The following L3MBTL3 variants were observed in gnomAD, a reference collection of about 807,000 sequenced individuals.
The protein encoded by L3MBTL3 is lethal(3)malignant brain tumor-like protein 3.
A neutral mutation model predicts 102.3 loss-of-function variants in L3MBTL3; 27 were observed. The observed-to-expected ratio is 0.26, with a 90% CI of 0.19 to 0.36. The LOEUF (loss-of-function observed/expected upper bound fraction) is 0.36. L3MBTL3 is among the 10% of genes least tolerant of loss of function. L3MBTL3 has a pLI of 1.00. For missense variants in L3MBTL3, 798 were observed against 955.3 expected, an observed-to-expected ratio of 0.84 and a Z score of 2.17; for synonymous variants, 340 against 320.9, an observed-to-expected ratio of 1.06 and a Z score of -0.64.
intron 18 of L3MBTL3, among the ~76,000 whole-genome samples, chr6:130,095,730 A>G (rs373796768): frequency 1.3e-5 from 2 of 152,340 alleles, no homozygotes; most frequent in South Asian, 4.1e-4. Flanking sequence ...AGGGGCCAGC[A>G]TATGGCGAGG....
In L3MBTL3 at chr6:130,070,988, T is replaced by C; in HGVS notation, c.1105T>C (p.Ser369Pro). The C allele has an allele frequency of 1.2e-6, 2 of 1,613,186 alleles. No homozygotes were observed. Among genetic ancestry groups the C allele is most frequent in the Non-Finnish European group, 1.7e-6 (2 of 1,179,442 alleles). ...FENQNITVIP[S>P]GFRVGMKLEA... is the part of the protein sequence containing the mutation. ...TGTGTTTCCATAGACAGTGATCCCA[T>C]CGGGCTTTCGAGTTGGTATGAAGCT... Residue 369 changes from serine (S) to proline (P), a missense_variant, in exon 13 of 23, where the codon TCG becomes CCG. By Grantham distance (74) the Ser-to-Pro change is moderately conservative. Around this residue, in one of 4 missense-constraint regions of L3MBTL3, gnomAD observed 434 missense variants for 506.6 expected, o/e 0.86. Coordinates refer to ENST00000361794, the MANE Select transcript of L3MBTL3 (RefSeq NM_032438.4).
intron 18 of L3MBTL3, among the ~76,000 whole-genome samples, chr6:130,099,417 G>A (rs1784555255): frequency 6.6e-6 from 1 of 152,166 alleles, no homozygotes; most frequent in Non-Finnish European, 1.5e-5. Context: ...AGCCTAGTGA[G>A]AACCAACTTT....
intron 15 of L3MBTL3, among the ~76,000 whole-genome samples, chr6:130,085,118 C>T (rs1347508895): frequency 3.3e-5 from 5 of 152,102 alleles, no homozygotes; most frequent in Non-Finnish European, 5.9e-5. Flanking sequence ...CATGAGCCAC[C>T]GCGTCCTGCC....
intron 13 of L3MBTL3, among the ~76,000 whole-genome samples, chr6:130,077,908 C>T (rs1007073957): frequency 1.3e-5 from 2 of 152,126 alleles, no homozygotes; most frequent in African/African-American, 4.8e-5. Context: ...TAGGCTGAAA[C>T]ATGTTGCATT....
chr6:130,035,592 A>G (rs551933400), intron 2 of L3MBTL3, among the ~76,000 whole-genome samples: 6 of 152,322 alleles, frequency 3.9e-5, no homozygotes, highest in Non-Finnish European at 5.9e-5. Flanking sequence ...GCCAGCAGTA[A>G]TGGTCTCGGT....
At chr6:130,081,924 T>C (rs775916811) in intron 14 of L3MBTL3, among the ~76,000 whole-genome samples, 3 of 152,150 alleles carry the variant, frequency 2.0e-5, no homozygotes, top group Non-Finnish European at 4.4e-5. Context: ...TTCCTTGACT[T>C]TTATGACCTT....
At chr6:130,124,911 A>G (rs1423657356) in intron 20 of L3MBTL3, among the ~76,000 whole-genome samples, 1 of 152,096 alleles carries the variant, frequency 6.6e-6, no homozygotes, top group Non-Finnish European at 1.5e-5. Flanking sequence ...TGGAGGTTGC[A>G]GTGAGCTGAG....
intron 10 of L3MBTL3, among the ~76,000 whole-genome samples, chr6:130,065,522 A>C (rs185444648): frequency 1.3e-5 from 2 of 152,232 alleles, no homozygotes; most frequent in East Asian, 3.9e-4. Flanking sequence ...CTACCTCACT[A>C]TTTGAGGATT....
At chr6:130,131,489 A>G (rs1478930168) in intron 20 of L3MBTL3, among the ~76,000 whole-genome samples, 2 of 152,204 alleles carry the variant, frequency 1.3e-5, no homozygotes, top group African/African-American at 4.8e-5. Flanking sequence ...TATATGTGCA[A>G]TGGAAACACA....
At chr6:130,024,685 C>T (rs752920665) in intron 2 of L3MBTL3, among the ~76,000 whole-genome samples, 1 of 152,030 alleles carries the variant, frequency 6.6e-6, no homozygotes, top group Non-Finnish European at 1.5e-5. Context: ...TTGAGTGATC[C>T]CTGCGGTATT....
intron 2 of L3MBTL3, among the ~76,000 whole-genome samples, chr6:130,027,929 T>C (rs1350946717): frequency 6.6e-6 from 1 of 152,158 alleles, no homozygotes; most frequent in East Asian, 1.9e-4. Flanking sequence ...GATGATATGC[T>C]AGCACTTTAA....
intron 16 of L3MBTL3, among the ~76,000 whole-genome samples, chr6:130,090,649 G>A (rs1783986864): frequency 6.6e-6 from 1 of 152,124 alleles, no homozygotes; most frequent in South Asian, 2.1e-4. Flanking sequence ...AGGCTGGAGT[G>A]CAGTGATATG....
intron 19 of L3MBTL3, among the ~76,000 whole-genome samples, chr6:130,117,425 A>C (rs1179652073): frequency 6.6e-6 from 1 of 152,066 alleles, no homozygotes; most frequent in Non-Finnish European, 1.5e-5. Context: ...TAATGCCGCA[A>C]ATCTGTCAAG....
At chr6:130,123,104 T>A (rs1314333402) in intron 20 of L3MBTL3, among the ~76,000 whole-genome samples, 2 of 152,222 alleles carry the variant, frequency 1.3e-5, no homozygotes, top group Non-Finnish European at 2.9e-5. Context: ...TTTATTTAAC[T>A]TTCCATTTTA....
chr6:130,034,720 A>G (rs1460648334), intron 2 of L3MBTL3, among the ~76,000 whole-genome samples: 1 of 152,258 alleles, frequency 6.6e-6, no homozygotes, highest in African/African-American at 2.4e-5. Context: ...ACTAAGCGCT[A>G]TGACTAAGAG....
At chr6:130,107,397 C>A (rs189796087) in intron 19 of L3MBTL3, among the ~76,000 whole-genome samples, 2 of 152,120 alleles carry the variant, frequency 1.3e-5, no homozygotes, top group East Asian at 3.9e-4. Context: ...CAGCAGTATA[C>A]AAAGAGGTTG....
At chr6:130,038,085 G>T (rs1420084982) in intron 2 of L3MBTL3, among the ~76,000 whole-genome samples, 1 of 152,012 alleles carries the variant, frequency 6.6e-6, no homozygotes, top group Admixed American at 6.6e-5. Context: ...GCTTATCCAT[G>T]CTGTCACAAA....
chr6:130,056,591 C>G (rs1781525526), intron 8 of L3MBTL3, among the ~76,000 whole-genome samples: 1 of 152,172 alleles, frequency 6.6e-6, no homozygotes, highest in South Asian at 2.1e-4. Flanking sequence ...CAGAGATGAC[C>G]TTCTATTTTA....
At chr6:130,054,460 A>C (rs374227494) in intron 7 of L3MBTL3, among the ~76,000 whole-genome samples, 1 of 152,222 alleles carries the variant, frequency 6.6e-6, no homozygotes, top group African/African-American at 2.4e-5. Flanking sequence ...GCAGTAGACA[A>C]CGTAAGAAGG....
Sources: gnomAD v4.1 joint callset for allele counts (sites outside exome capture counted in the v4.1 genomes callset) on GRCh38, gnomAD v4.1.1 for gene constraint, gnomAD v4.1.1 regional missense constraint, MANE v1.5 for transcripts, NCBI Gene and HGNC (gene_info 2026-07-23, HGNC 2026-07-21) for gene names.